The following CUTC variants were observed in gnomAD, a reference collection of about 807,000 sequenced individuals.
CUTC encodes the protein cutC copper transporter.
Under a neutral mutation model 36.2 loss-of-function variants are expected in CUTC, and 27 were observed. That is an observed-to-expected ratio of 0.75 (90% CI 0.55 to 1.03). The LOEUF (loss-of-function observed/expected upper bound fraction) is 1.03. CUTC is among the 50% of genes least tolerant of loss of function. CUTC has a pLI of 0.00. For missense variants in CUTC, 315 were observed against 343.5 expected (o/e 0.92, Z 0.66); for synonymous variants, 114 against 118.3 (o/e 0.96, Z 0.24).
intron 4 of CUTC, 95 bp from the exon 5 acceptor site, chr10:99,743,942 A>G (rs977336212): frequency 3.4e-6 from 3 of 878,222 alleles, no homozygotes; most frequent in Non-Finnish European, 5.2e-6. Flanking sequence ...AGGCGAAGAA[A>G]GTATTAAAAA....
intron 8 of CUTC, among the ~76,000 whole-genome samples, chr10:99,754,850 T>C (rs1034352379): frequency 6.6e-6 from 1 of 152,210 alleles, no homozygotes; most frequent in African/African-American, 2.4e-5. Context: ...AACCTTGCCT[T>C]GTAAAGGCAT....
At chr10:99,733,917 T>C (rs547972361) in intron 1 of CUTC, among the ~76,000 whole-genome samples, 2 of 152,084 alleles carry the variant, frequency 1.3e-5, no homozygotes, top group Non-Finnish European at 2.9e-5. Flanking sequence ...AGGCAAATAG[T>C]CCCCCGGCAG....
At chr10:99,735,916 A>G (rs1456286944) in intron 1 of CUTC, among the ~76,000 whole-genome samples, 1 of 152,214 alleles carries the variant, frequency 6.6e-6, no homozygotes, top group Non-Finnish European at 1.5e-5. Context: ...AAAGAAGTTT[A>G]AATATATTCT....
At chr10:99,747,416 C>G (rs372118855) in intron 6 of CUTC, 26 bp downstream of exon 6, 1 of 1,613,314 alleles carries the variant, frequency 6.2e-7, no homozygotes, top group East Asian at 2.2e-5. Flanking sequence ...CTTTTTTTCC[C>G]CTAAGACTCT....
At chr10:99,737,381 A>C (rs557667109) in intron 2 of CUTC, among the ~76,000 whole-genome samples, 3 of 152,346 alleles carry the variant, frequency 2.0e-5, no homozygotes, top group Admixed American at 2.0e-4. Flanking sequence ...AGTGAAAGAA[A>C]CCAGTGGAAG....
chr10:99,737,281 A>AT (rs1247104075), intron 2 of CUTC, among the ~76,000 whole-genome samples: 5 of 152,020 alleles, frequency 3.3e-5, no homozygotes, highest in Admixed American at 3.3e-4. Flanking sequence ...AAAAAAAAAA[A>AT]GTTAAAAAAA....
intron 5 of CUTC, among the ~76,000 whole-genome samples, chr10:99,744,570 C>T (rs1035619419): frequency 6.6e-6 from 1 of 152,102 alleles, no homozygotes; most frequent in Non-Finnish European, 1.5e-5. Flanking sequence ...AGAATTGGGT[C>T]TTATTAGGAA....
intron 5 of CUTC, among the ~76,000 whole-genome samples, chr10:99,744,625 C>G (rs962032699): frequency 2.0e-5 from 3 of 152,036 alleles, no homozygotes; most frequent in Non-Finnish European, 1.5e-5. Flanking sequence ...ACTATCTAGT[C>G]AATGAACAGA....
At chr10:99,736,339 A>G in intron 2 of CUTC, 22 bp downstream of exon 2, 1 of 1,573,464 alleles carries the variant, frequency 6.4e-7, no homozygotes, top group Non-Finnish European at 8.7e-7. Context: ...CAGATAGTGA[A>G]TGACCGTTGG....
chr10:99,739,730 T>C lies in CUTC; in HGVS notation c.154T>C (p.Cys52Arg), dbSNP rs2133666569. The change falls in exon 3 of 9, where the codon TGT becomes CGT. Residue 52 changes from cysteine to arginine, a missense_variant. Coordinates refer to ENST00000370476, the MANE Select transcript of CUTC (RefSeq NM_015960.3). ...ERGGADRIEL[C>R]SGLSEGGTTP... ...TACAGGTGCTGATCGGATTGAATTA[T>C]GTTCTGGTTTATCAGAGGGGGGAAC... 6.2e-7 allele frequency: 1 copy of C among 1,611,876 alleles called. No homozygotes were observed. Among genetic ancestry groups the C allele is most frequent in the Non-Finnish European group, 8.5e-7 (1 of 1,179,282 alleles).
intron 2 of CUTC, among the ~76,000 whole-genome samples, chr10:99,738,588 A>G (rs189446453): frequency 6.6e-6 from 1 of 152,274 alleles, no homozygotes; most frequent in Admixed American, 6.5e-5. Flanking sequence ...AGAGTATCCC[A>G]TACTCTCAAT....
At chr10:99,753,448 C>T (rs572893920) in intron 7 of CUTC, among the ~76,000 whole-genome samples, 27 of 152,212 alleles carry the variant, frequency 1.8e-4, no homozygotes, top group African/African-American at 5.3e-4. Flanking sequence ...CTCACTGTGT[C>T]GCCCAGGCTA....
chr10:99,737,871 G>T (rs895574353), intron 2 of CUTC, among the ~76,000 whole-genome samples: 1 of 151,968 alleles, frequency 6.6e-6, no homozygotes. Flanking sequence ...GACTCTTGCC[G>T]GGCGCGGTGG....
chr10:99,751,669 C>T (rs1459476447), intron 7 of CUTC, among the ~76,000 whole-genome samples: 5 of 152,122 alleles, frequency 3.3e-5, no homozygotes, highest in African/African-American at 1.2e-4. Context: ...ACCAGCCTGG[C>T]CAACATGGTG....
chr10:99,736,861 A>C (rs571267078), intron 2 of CUTC, among the ~76,000 whole-genome samples: 1 of 152,348 alleles, frequency 6.6e-6, no homozygotes, highest in South Asian at 2.1e-4. Context: ...CCAGTTTTTC[A>C]TTTATTTCAG....
At chr10:99,754,414 G>T (rs528163335) in intron 7 of CUTC, 115 bp from the exon 8 acceptor site, 2 of 717,462 alleles carry the variant, frequency 2.8e-6, no homozygotes, top group East Asian at 2.5e-5. Context: ...ACTAATTTTT[G>T]AATCAATGAG....
Position 99,736,399 on chromosome 10 carries a change from C to T in CUTC, c.133+82C>T, listed in dbSNP as rs2037297695. 8.9e-6 allele frequency: 9 copies of T among 1,010,460 alleles called. No homozygotes were observed. The Admixed American group carries it at 1.1e-4, about 13-fold the overall frequency. The allele number at this position is 1,010,460 out of a possible 1,614,324, so 62.6% of individuals were successfully genotyped here. A position where few individuals can be genotyped will look rare whatever the true frequency, so the allele number is the denominator to read the frequency against. ...TAATCCTGTGTGCTTATCTCAGAAG[C>T]CCTTGTGATCTCTAAGCATCCCTCA... On this transcript the variant is annotated intron_variant, in intron 2 of 8. Transcript: ENST00000370476.
chr10:99,752,206 C>T (rs146657427), intron 7 of CUTC, among the ~76,000 whole-genome samples: 44 of 152,144 alleles, frequency 2.9e-4, no homozygotes, highest in Non-Finnish European at 5.7e-4. Context: ...TATAGTAAGA[C>T]ACCATCTTTA....
Position 99,743,318 on chromosome 10 carries a change from C to G in CUTC, c.359C>G (p.Thr120Ser). 6.2e-7 allele frequency: 1 copy of G among 1,614,100 alleles called. No individual in the cohort carries two copies. Among genetic ancestry groups the G allele is most frequent in the Non-Finnish European group, 8.5e-7 (1 of 1,180,016 alleles). The change falls in exon 4 of 9, where the codon ACT (threonine) becomes AGT (serine). Residue 120 changes from threonine (T) to serine (S), a missense_variant. Physicochemically the swap from Thr to Ser is moderately conservative, Grantham distance 58 (BLOSUM62 1). Transcript: ENST00000370476. ...GADGLVFGAL[T>S]EDGHIDKELC... The stretch of plus-strand genomic sequence containing the variant: ...GATGGTTTGGTTTTTGGGGCATTGA[C>G]TGAAGATGGACACATTGACAAAGAG...
Sources: gnomAD v4.1 joint callset for allele counts (sites outside exome capture counted in the v4.1 genomes callset) on GRCh38, gnomAD v4.1.1 for gene constraint, MANE v1.5 for transcripts, NCBI Gene and HGNC (gene_info 2026-07-23, HGNC 2026-07-21) for gene names.